The following WWOX variants were observed in gnomAD, a reference collection of about 807,000 sequenced individuals.
WWOX encodes WW domain-containing oxidoreductase.
In WWOX, 69 loss-of-function variants were observed where a neutral mutation model predicts 46.2. That is an observed-to-expected ratio of 1.49 (90% CI 1.23 to 1.82). WWOX has a LOEUF of 1.82. Ranked by LOEUF, WWOX falls within the 40% of genes most tolerant of loss-of-function variation. The pLI, the probability that WWOX is intolerant of heterozygous loss-of-function variation, is 0.00. For missense variants in WWOX, 919 were observed against 542.6 expected (o/e 1.69, Z -6.89); for synonymous variants, 359 against 202.6 (o/e 1.77, Z -6.56).
At chr16:79,013,926 A>C (rs368853090) in intron 8 of WWOX, among the ~76,000 whole-genome samples, 1 of 152,170 alleles carries the variant, frequency 6.6e-6, no homozygotes, top group Non-Finnish European at 1.5e-5. Flanking sequence ...AGAACACCAG[A>C]AACACCTCCT....
intron 8 of WWOX, among the ~76,000 whole-genome samples, chr16:78,987,203 C>A (rs1284805001): frequency 6.6e-6 from 1 of 152,168 alleles, no homozygotes; most frequent in East Asian, 1.9e-4. Flanking sequence ...CATCACAAAC[C>A]AAAAGACGAG....
intron 8 of WWOX, among the ~76,000 whole-genome samples, chr16:78,698,437 C>G (rs893430955): frequency 6.6e-6 from 1 of 152,178 alleles, no homozygotes; most frequent in Admixed American, 6.6e-5. Context: ...ATTTTAAATC[C>G]TAGCTCCTTT....
intron 8 of WWOX, among the ~76,000 whole-genome samples, chr16:78,867,054 G>A (rs1024209979): frequency 1.3e-5 from 2 of 152,208 alleles, no homozygotes; most frequent in Non-Finnish European, 2.9e-5. Context: ...GAAGGAGAAG[G>A]CTTGAGGAAG....
At chr16:78,799,226 A>T (rs1479391577) in intron 8 of WWOX, among the ~76,000 whole-genome samples, 3 of 152,180 alleles carry the variant, frequency 2.0e-5, no homozygotes, top group Non-Finnish European at 2.9e-5. Context: ...AGAAAAGTTC[A>T]TCTGGAGTTA....
chr16:78,974,162 A>C (rs1468457415), intron 8 of WWOX, among the ~76,000 whole-genome samples: 1 of 152,224 alleles, frequency 6.6e-6, no homozygotes, highest in Non-Finnish European at 1.5e-5. Flanking sequence ...ATATCAGGAA[A>C]ATTCAATCTC....
chr16:78,967,458 GGTTTTT>G (rs2046384067), intron 8 of WWOX, among the ~76,000 whole-genome samples: 2 of 91,444 alleles, frequency 2.2e-5, no homozygotes, highest in African/African-American at 8.6e-5. Context: ...TAATTTTTGT[GGTTTTT>G]TTTTTTTTTT....
chr16:78,296,687 T>A, intron 5 of WWOX, among the ~76,000 whole-genome samples: 1 of 152,094 alleles, frequency 6.6e-6, no homozygotes, highest in East Asian at 1.9e-4. Context: ...TATGAGATGA[T>A]TTTATTTTTA....
At chr16:78,819,755 A>G (rs1486423711) in intron 8 of WWOX, among the ~76,000 whole-genome samples, 1 of 152,208 alleles carries the variant, frequency 6.6e-6, no homozygotes, top group Non-Finnish European at 1.5e-5. Flanking sequence ...TCACCAGCAC[A>G]GTGGAAGGCC....
At chr16:78,493,833 C>T (rs1293527284) in intron 8 of WWOX, among the ~76,000 whole-genome samples, 2 of 152,138 alleles carry the variant, frequency 1.3e-5, no homozygotes, top group Admixed American at 6.5e-5. Context: ...CGTGTTCTTA[C>T]CCACTGCATG....
intron 8 of WWOX, among the ~76,000 whole-genome samples, chr16:78,757,557 C>G (rs1246641796): frequency 1.3e-5 from 2 of 152,078 alleles, no homozygotes; most frequent in African/African-American, 4.8e-5. Flanking sequence ...CCAGTTAACT[C>G]TTCTATAAGT....
chr16:78,554,493 A>T (rs191504998), intron 8 of WWOX, among the ~76,000 whole-genome samples: 2 of 152,326 alleles, frequency 1.3e-5, no homozygotes, highest in African/African-American at 4.8e-5. Context: ...ATAGATATAG[A>T]TACATACATA....
intron 8 of WWOX, among the ~76,000 whole-genome samples, chr16:79,046,860 T>G (rs2048075321): frequency 6.6e-6 from 1 of 152,222 alleles, no homozygotes; most frequent in Admixed American, 6.5e-5. Context: ...TTTCTAGTCC[T>G]TCTTTTCTCT....
At chr16:78,494,334 C>T (rs543001427) in intron 8 of WWOX, among the ~76,000 whole-genome samples, 1 of 152,284 alleles carries the variant, frequency 6.6e-6, no homozygotes, top group African/African-American at 2.4e-5. Context: ...GATTACAATT[C>T]AACCTGAGAC....
At chr16:79,103,407 G>C (rs2049242512) in intron 8 of WWOX, among the ~76,000 whole-genome samples, 1 of 152,206 alleles carries the variant, frequency 6.6e-6, no homozygotes, top group South Asian at 2.1e-4. Context: ...AAACGCATTA[G>C]TGGGAAATGT....
At chr16:78,209,225 C>G (rs1008964482) in intron 5 of WWOX, among the ~76,000 whole-genome samples, 2 of 133,742 alleles carry the variant, frequency 1.5e-5, no homozygotes, top group Non-Finnish European at 3.4e-5. Context: ...CGTGATGTGA[C>G]TGTGACGTTA....
chr16:78,483,991 C>A (rs909928223), intron 8 of WWOX, among the ~76,000 whole-genome samples: 1 of 152,120 alleles, frequency 6.6e-6, no homozygotes, highest in African/African-American at 2.4e-5. Flanking sequence ...AAATGGCTTA[C>A]CTTACTTTTT....
At position 79,126,508 on chromosome 16, in the gene WWOX, C is replaced by G. The variant is rs559618789; in HGVS notation, c.1057-85100C>G. Among the ~76,000 whole-genome samples the G allele has an allele frequency of 2.0e-5, 3 of 152,260 alleles. No homozygotes were observed. In the South Asian group the frequency reaches 6.2e-4, roughly 32 times the overall value. On this transcript the variant is annotated intron_variant, in intron 8 of 8. Coordinates refer to ENST00000566780, the MANE Select transcript of WWOX (RefSeq NM_016373.4). ...GTAGTTCGTTCTGTGTTCATTCTCC[C>G]TCCTGCCGCCTTGTGAAGAAGGTTC...
chr16:78,425,029 C>T lies in WWOX; in HGVS notation c.765C>T (p.Val255=). 2 of 1,613,948 alleles carry T rather than the reference C, an allele frequency of 1.2e-6. No homozygotes were observed. Among genetic ancestry groups the T allele is most frequent in the Non-Finnish European group, 1.7e-6 (2 of 1,180,010 alleles). Residue 255 remains valine, a synonymous_variant, in exon 7 of 9, where the codon GTC becomes GTT. Transcript: ENST00000566780. ...TGTGCCGCTCAGCTCCTGCCCGTGT[C>T]ATTGTGGTCTCCTCAGAGTCCCATC... ...DVLCRSAPAR[V]IVVSSESHRF...
intron 8 of WWOX, among the ~76,000 whole-genome samples, chr16:78,452,475 CTTTTTTT>C (rs397945707): frequency 7.9e-6 from 1 of 126,076 alleles, no homozygotes; most frequent in East Asian, 2.3e-4. Context: ...CTCTCTCTCT[CTTTTTTT>C]TTTTTTTTTT....
Sources: gnomAD v4.1 joint callset for allele counts (sites outside exome capture counted in the v4.1 genomes callset) on GRCh38, gnomAD v4.1.1 for gene constraint, MANE v1.5 for transcripts, NCBI Gene and HGNC (gene_info 2026-07-23, HGNC 2026-07-21) for gene names.